SNTG1: variants seen among roughly 807,000 people sequenced by gnomAD.
The protein encoded by SNTG1 is syntrophin gamma 1.
A neutral mutation model predicts 74.7 loss-of-function variants in SNTG1; 39 were observed. The ratio of observed to expected loss-of-function variants is 0.52; its 90% confidence interval spans 0.40 to 0.68. SNTG1 has a LOEUF of 0.68. SNTG1 is among the 30% of genes least tolerant of loss of function. The probability of loss-of-function intolerance (pLI) is 0.00; values close to 1 mark genes in which losing one functional copy is unlikely to be tolerated. For missense variants in SNTG1, 685 were observed against 609.5 expected (o/e 1.12, Z -1.30); for synonymous variants, 254 against 217.1 (o/e 1.17, Z -1.49).
chr8:50,025,260 T>C (rs1162697130), intron 1 of SNTG1, among the ~76,000 whole-genome samples: 2 of 152,182 alleles, frequency 1.3e-5, no homozygotes, highest in African/African-American at 2.4e-5. Flanking sequence ...TATATATTCA[T>C]TAATTTTAGA....
chr8:49,996,297 A>C (rs550276262), intron 1 of SNTG1, among the ~76,000 whole-genome samples: 1 of 152,212 alleles, frequency 6.6e-6, no homozygotes, highest in South Asian at 2.1e-4. Context: ...CAATTCTTGG[A>C]AATAAGGATT....
At chr8:50,677,936 C>T (rs962980696) in intron 15 of SNTG1, among the ~76,000 whole-genome samples, 2 of 151,620 alleles carry the variant, frequency 1.3e-5, no homozygotes, top group African/African-American at 4.8e-5. Flanking sequence ...AATGAGAACA[C>T]ATGAACAAAG....
rs1045786357 is a variant in SNTG1, at chr8:50,236,515, A to G, written c.-28+63880A>G. On this transcript the variant is annotated intron_variant, in intron 2 of 18. Transcript: ENST00000642720. ...GGCCAGGCTGGAGTGCAGTGGCGCT[A>G]TCCCGGCTCACTGCAAGCTCCACCT... Among the ~76,000 whole-genome samples, 28 of 143,116 alleles carry G rather than the reference A, an allele frequency of 2.0e-4. No homozygotes were observed. In the South Asian group the frequency reaches 3.7e-3, roughly 19 times the overall value. 93.9% of individuals were successfully genotyped at this position (143,116 alleles called of 152,430 possible).
chr8:50,389,171 C>A (rs1563319760), intron 2 of SNTG1, among the ~76,000 whole-genome samples: 1 of 152,114 alleles, frequency 6.6e-6, no homozygotes, highest in East Asian at 1.9e-4. Flanking sequence ...CTGGAGTAGA[C>A]ATAAGTAATT....
chr8:50,399,306 C>A (rs1035697914), intron 3 of SNTG1, among the ~76,000 whole-genome samples: 1 of 152,102 alleles, frequency 6.6e-6, no homozygotes, highest in Non-Finnish European at 1.5e-5. Context: ...AACCCAAAAG[C>A]GAGCTCAAAG....
At chr8:49,951,278 AAAAT>A (rs1809672534) in intron 1 of SNTG1, among the ~76,000 whole-genome samples, 1 of 152,240 alleles carries the variant, frequency 6.6e-6, no homozygotes, top group Non-Finnish European at 1.5e-5. Flanking sequence ...AGTGGACTGA[AAAAT>A]AAAAGTAAAA....
chr8:50,657,782 T>TTGTA (rs2095192786), intron 14 of SNTG1, among the ~76,000 whole-genome samples: 1 of 152,158 alleles, frequency 6.6e-6, no homozygotes, highest in Non-Finnish European at 1.5e-5. Context: ...TCTATTATAT[T>TTGTA]CTATATCCTA....
chr8:49,981,711 T>C (rs995397303), intron 1 of SNTG1, among the ~76,000 whole-genome samples: 19 of 152,184 alleles, frequency 1.2e-4, no homozygotes, highest in Admixed American at 1.2e-3. Context: ...AATACTATAA[T>C]CTTTTATGCA....
intron 9 of SNTG1, among the ~76,000 whole-genome samples, chr8:50,517,075 C>T (rs1211736162): frequency 1.3e-5 from 2 of 152,086 alleles, no homozygotes; most frequent in Non-Finnish European, 2.9e-5. Flanking sequence ...AAGGGAAGCC[C>T]ATCAGACTAA....
chr8:50,413,876 C>T (rs946512263), intron 4 of SNTG1, among the ~76,000 whole-genome samples: 3 of 152,148 alleles, frequency 2.0e-5, no homozygotes, highest in Non-Finnish European at 4.4e-5. Context: ...ATTTCTGATT[C>T]TGGCTATTAT....
intron 2 of SNTG1, among the ~76,000 whole-genome samples, chr8:50,359,438 A>G (rs2091901398): frequency 6.6e-6 from 1 of 152,130 alleles, no homozygotes; most frequent in South Asian, 2.1e-4. Flanking sequence ...AGTGTCCTGA[A>G]TTTGCTGGCC....
intron 2 of SNTG1, among the ~76,000 whole-genome samples, chr8:50,242,894 T>A (rs892970151): frequency 3.3e-5 from 5 of 152,014 alleles, no homozygotes; most frequent in African/African-American, 1.2e-4. Flanking sequence ...AAATAAATAA[T>A]GTATGTTTTT....
intron 9 of SNTG1, among the ~76,000 whole-genome samples, chr8:50,519,078 C>T (rs927134586): frequency 1.3e-5 from 2 of 152,114 alleles, no homozygotes; most frequent in Admixed American, 6.5e-5. Flanking sequence ...AAAATGAATC[C>T]AGCAGCACAT....
intron 4 of SNTG1, among the ~76,000 whole-genome samples, chr8:50,424,027 A>G (rs1305085852): frequency 6.6e-6 from 1 of 152,184 alleles, no homozygotes; most frequent in African/African-American, 2.4e-5. Flanking sequence ...AGACAAGAAC[A>G]TCTCTTGTCA....
chr8:50,790,039 C>T (rs981635195), intron 18 of SNTG1, among the ~76,000 whole-genome samples: 2 of 151,962 alleles, frequency 1.3e-5, no homozygotes, highest in Admixed American at 6.6e-5. Context: ...ATGGAAATGG[C>T]TCACTCCATC....
intron 1 of SNTG1, among the ~76,000 whole-genome samples, chr8:49,983,216 A>G (rs926098392): frequency 6.6e-6 from 1 of 152,224 alleles, no homozygotes; most frequent in Admixed American, 6.5e-5. Context: ...TATAACTGAA[A>G]AAGGAAAAAC....
chr8:50,386,651 G>A (rs930405748), intron 2 of SNTG1, among the ~76,000 whole-genome samples: 3 of 152,108 alleles, frequency 2.0e-5, no homozygotes, highest in Non-Finnish European at 4.4e-5. Flanking sequence ...TGAGGTCCCA[G>A]GAAGCTTTTA....
At chr8:50,172,762 T>C (rs1202064449) in intron 2 of SNTG1, 127 bp downstream of exon 2, 1 of 112,544 alleles carries the variant, frequency 8.9e-6, no homozygotes, top group Non-Finnish European at 1.8e-5. Context: ...TCTTTCTCTG[T>C]TCTTGAAAAA....
At chr8:49,936,212 ATGT>A (rs1171542156) in intron 1 of SNTG1, among the ~76,000 whole-genome samples, 1 of 152,174 alleles carries the variant, frequency 6.6e-6, no homozygotes, top group Admixed American at 6.5e-5. Context: ...GTTAACCAAA[ATGT>A]TGTCAGCTGA....
Sources: allele counts gnomAD v4.1 joint callset (sites outside exome capture counted in the v4.1 genomes callset), GRCh38; gene constraint gnomAD v4.1.1; transcripts MANE v1.5; gene names NCBI Gene and HGNC (gene_info 2026-07-23, HGNC 2026-07-21).